The following MGAT4A variants were observed in gnomAD, a reference collection of about 807,000 sequenced individuals.
MGAT4A encodes the protein N-acetylglucosaminyltransferase IVa.
A neutral mutation model predicts 74.1 loss-of-function variants in MGAT4A; 33 were observed. The ratio of observed to expected loss-of-function variants is 0.45; its 90% CI spans 0.34 to 0.60. The LOEUF is 0.60. MGAT4A is among the 20% of genes least tolerant of loss of function. The probability of loss-of-function intolerance (pLI) is 0.02; values close to 1 mark genes in which losing one functional copy is unlikely to be tolerated. For synonymous variants in MGAT4A, 198 were observed against 210.4 expected (o/e 0.94, Z 0.51); for missense variants, 479 against 628.3 (o/e 0.76, Z 2.54).
chr2:98,665,072 G>A (rs4513341), intron 4 of MGAT4A, among the ~76,000 whole-genome samples: 65,761 of 151,890 alleles, frequency 0.43, 14,765 homozygotes, highest in South Asian at 0.54. Context: ...GCTCATGCCT[G>A]TAATCCCAGC....
intron 5 of MGAT4A, among the ~76,000 whole-genome samples, chr2:98,662,241 A>G (rs1157252948): frequency 6.6e-6 from 1 of 152,350 alleles, no homozygotes; most frequent in South Asian, 2.1e-4. Context: ...TGAAGGAGAT[A>G]CCCTCTATAA....
intron 2 of MGAT4A, among the ~76,000 whole-genome samples, chr2:98,681,565 T>TAGA (rs1257393816): frequency 6.6e-6 from 1 of 152,132 alleles, no homozygotes; most frequent in African/African-American, 2.4e-5. Flanking sequence ...TTTGAGTTCT[T>TAGA]CCCTCTTTAT....
intron 3 of MGAT4A, among the ~76,000 whole-genome samples, chr2:98,677,991 G>A (rs1702000338): frequency 6.6e-6 from 1 of 151,082 alleles, no homozygotes; most frequent in African/African-American, 2.4e-5. Context: ...AGCACTTTGG[G>A]AGGCTGAGGG....
At position 98,729,966 on chromosome 2, in the gene MGAT4A, G is replaced by A. The variant is rs116041020; in HGVS notation, c.-236+1082C>T. ...AGCTTACGTAATGTCATCGCCCAGT[G>A]CGTTTTCGGGTTTACACGTGTGGGT... is the stretch of plus-strand genomic sequence containing the variant. On this transcript the variant is annotated intron_variant, in intron 1 of 15. Coordinates refer to ENST00000393487, the MANE Select transcript of MGAT4A (RefSeq NM_012214.3). Among the ~76,000 whole-genome samples, 887 of 152,308 alleles carry A rather than the reference G, an allele frequency of 5.8e-3. 9 individuals are homozygous for A. The highest frequency in any genetic ancestry group is 0.02 in the African/African-American group (841 of 41,562).
intron 9 of MGAT4A, among the ~76,000 whole-genome samples, chr2:98,645,065 T>C (rs1297823888): frequency 1.3e-5 from 2 of 152,254 alleles, no homozygotes; most frequent in Non-Finnish European, 2.9e-5. Flanking sequence ...ATGCATTGCA[T>C]GAAAATACTA....
intron 10 of MGAT4A, among the ~76,000 whole-genome samples, chr2:98,642,960 C>T (rs1160626500): frequency 6.6e-6 from 1 of 152,090 alleles, no homozygotes; most frequent in East Asian, 1.9e-4. Context: ...AGTAGAAGGT[C>T]ATGAAGTCAA....
chr2:98,722,967 TCTCACAACACCCAC>T (rs1702698792), intron 2 of MGAT4A, among the ~76,000 whole-genome samples: 1 of 152,026 alleles, frequency 6.6e-6, no homozygotes, highest in African/African-American at 2.4e-5. Context: ...CCTGCCCCAC[TCTCACAACACCCAC>T]CTACAACTGT....
At chr2:98,659,983 T>C (rs1171528824) in intron 5 of MGAT4A, among the ~76,000 whole-genome samples, 1 of 85,978 alleles carries the variant, frequency 1.2e-5, no homozygotes, top group Non-Finnish European at 2.1e-5. Flanking sequence ...AAAAAAGGTA[T>C]AGCTTAATCC....
chr2:98,683,989 A>C (rs1702096874), intron 2 of MGAT4A, among the ~76,000 whole-genome samples: 1 of 152,042 alleles, frequency 6.6e-6, no homozygotes, highest in Non-Finnish European at 1.5e-5. Flanking sequence ...TTTGTTTCTA[A>C]CTCCATTCTG....
At chr2:98,685,256 AAGT>A (rs1407051380) in intron 2 of MGAT4A, among the ~76,000 whole-genome samples, 13 of 151,706 alleles carry the variant, frequency 8.6e-5, no homozygotes, top group Non-Finnish European at 1.5e-4. Context: ...AAAAAAAAAA[AAGT>A]AGTCATCTGG....
At chr2:98,654,834 CA>C (rs1384625564) in intron 8 of MGAT4A, among the ~76,000 whole-genome samples, 3 of 152,036 alleles carry the variant, frequency 2.0e-5, no homozygotes, top group Admixed American at 2.0e-4. Flanking sequence ...TGACCCTAAA[CA>C]GCCAAAATAG....
intron 2 of MGAT4A, among the ~76,000 whole-genome samples, chr2:98,682,852 G>C (rs1702080513): frequency 6.6e-6 from 1 of 152,128 alleles, no homozygotes. Context: ...TTTGGGAGCT[G>C]AGGCGGGTGG....
chr2:98,644,104 A>G, intron 9 of MGAT4A, 51 bp from the exon 10 acceptor site: 2 of 1,497,140 alleles, frequency 1.3e-6, no homozygotes, highest in Non-Finnish European at 1.8e-6. Context: ...CAAGCACCAA[A>G]ATGGCTTACA....
chr2:98,678,271 ATC>A lies in MGAT4A; in HGVS notation c.262+31_262+32del, dbSNP rs755939905. On this transcript the variant is annotated intron_variant, in intron 3 of 15. Coordinates refer to ENST00000393487, the MANE Select transcript of MGAT4A (RefSeq NM_012214.3). Reference sequence around the variant, plus strand: ...AAAAATATATATATATATATATAAAATCTTTTTATAATATAAAAAATACTGTT... The same window carrying A: ...AAAAATATATATATATATATATAAAATTTTTATAATATAAAAAATACTGTT... The A allele has an allele frequency of 1.5e-4, 103 of 702,342 alleles. 1 individual carries two copies. In the African/African-American group the frequency reaches 2.0e-3, roughly 14 times the overall value. 43.5% of individuals were successfully genotyped at this position (702,342 alleles called of 1,614,324 possible).
At chr2:98,683,086 T>TA (rs1052884537) in intron 2 of MGAT4A, among the ~76,000 whole-genome samples, 407 of 136,792 alleles carry the variant, frequency 3.0e-3, no homozygotes, top group African/African-American at 5.7e-3. Context: ...AGACTCCGTC[T>TA]AAAAAAAAAA....
intron 5 of MGAT4A, among the ~76,000 whole-genome samples, chr2:98,658,850 G>A (rs1701701122): frequency 6.6e-6 from 1 of 152,140 alleles, no homozygotes; most frequent in African/African-American, 2.4e-5. Flanking sequence ...TATCAGATCT[G>A]CATATTTTTA....
chr2:98,631,060 T>G (rs983310103), intron 14 of MGAT4A, among the ~76,000 whole-genome samples: 8 of 152,228 alleles, frequency 5.3e-5, no homozygotes, highest in African/African-American at 1.7e-4. Context: ...AGTGGCCCTT[T>G]CCTTCTCCCA....
At chr2:98,656,525 C>A in intron 6 of MGAT4A, 60 bp from the exon 7 acceptor site, 1 of 1,105,962 alleles carries the variant, frequency 9.0e-7, no homozygotes, top group Non-Finnish European at 1.3e-6. Context: ...TATCTTAAAG[C>A]TCAATACACT....
intron 10 of MGAT4A, among the ~76,000 whole-genome samples, chr2:98,642,866 T>A (rs1037897363): frequency 1.3e-5 from 2 of 152,328 alleles, no homozygotes; most frequent in South Asian, 2.1e-4. Context: ...TGGTTTTTTT[T>A]AAACAGAATG....
Sources: gnomAD v4.1 joint callset for allele counts (sites outside exome capture counted in the v4.1 genomes callset) on GRCh38, gnomAD v4.1.1 for gene constraint, MANE v1.5 for transcripts, NCBI Gene and HGNC (gene_info 2026-07-23, HGNC 2026-07-21) for gene names.